Variants in PCDH11Y observed in about 807,000 individuals in gnomAD.
PCDH11Y encodes the protein protocadherin-11 Y-linked.
For synonymous variants in PCDH11Y, 9 were observed against 83.6 expected (o/e 0.11, Z 4.87); for missense variants, 12 against 224.8 (o/e 0.05, Z 6.05).
intron 2 of PCDH11Y, among the ~76,000 whole-genome samples, chrY:5,307,605 C>T: frequency 6.1e-5 from 2 of 32,988 alleles, no homozygotes; most frequent in African/African-American, 2.4e-4. Flanking sequence ...AAAACCACAG[C>T]AGTGCTTAGA....
intron 2 of PCDH11Y, among the ~76,000 whole-genome samples, chrY:5,424,940 G>T (rs2053261969): frequency 3.2e-5 from 1 of 31,701 alleles, no homozygotes; most frequent in African/African-American, 1.2e-4. Flanking sequence ...ACCTCCCAAA[G>T]TGCTGGGATT....
intron 4 of PCDH11Y, chrY:5,623,172 A>G: frequency 1.4e-5 from 1 of 74,042 alleles, no homozygotes; most frequent in South Asian, 7.0e-5. Flanking sequence ...GGTGTCTCTG[A>G]ATGTCTTCAT....
chrY:5,356,693 A>G (rs2053166298), intron 2 of PCDH11Y, among the ~76,000 whole-genome samples: 35 of 28,487 alleles, frequency 1.2e-3, no homozygotes, highest in Non-Finnish European at 2.4e-3. Flanking sequence ...CCTGGCCAAC[A>G]TGGTGAAACC....
intron 2 of PCDH11Y, among the ~76,000 whole-genome samples, chrY:5,257,886 T>C: frequency 6.9e-5 from 2 of 28,834 alleles, no homozygotes; most frequent in Non-Finnish European, 1.6e-4. Context: ...CTTCTATAAA[T>C]GTTTGGTAGA....
intron 2 of PCDH11Y, among the ~76,000 whole-genome samples, chrY:5,148,077 C>T (rs1602876428): frequency 2.0e-3 from 69 of 33,686 alleles, no homozygotes; most frequent in Middle Eastern, 0.014. Flanking sequence ...TAATTGGAAA[C>T]ATTGTCTTTG....
chrY:5,357,259 A>ATATATACG (rs2053168973), intron 2 of PCDH11Y, among the ~76,000 whole-genome samples: 1 of 24,732 alleles, frequency 4.0e-5, no homozygotes, highest in Admixed American at 4.3e-4. Flanking sequence ...ACGTATATAT[A>ATATATACG]TATATATATA....
At chrY:5,031,771 T>C in intron 1 of PCDH11Y, 1 of 33,456 alleles carries the variant, frequency 3.0e-5, no homozygotes, top group African/African-American at 1.2e-4. Context: ...TTTAACCTTT[T>C]CTTGATTTGT....
Position 5,508,156 on chromosome Y carries a change from A to G in PCDH11Y, c.3328+6901A>G, listed in dbSNP as rs1602935706. Among the ~76,000 whole-genome samples, 11 of 33,286 alleles carry G rather than the reference A, an allele frequency of 3.3e-4. No individual in the cohort carries two copies. In the South Asian group the frequency reaches 7.4e-3, roughly 22 times the overall value. The allele number at this position is 33,286 out of a possible 37,273, so 89.3% of individuals were successfully genotyped here. A position where few individuals can be genotyped will look rare whatever the true frequency, so the allele number is the denominator to read the frequency against. On this transcript the variant is annotated intron_variant, in intron 3 of 4. Coordinates refer to the PCDH11Y transcript ENST00000400457. ...TTATAGCAACATATTTTTAATCCCC[A>G]TGACACTTTTAAAATTGGACAATAA... is the stretch of plus-strand genomic sequence containing the variant.
At chrY:5,628,010 C>T in intron 4 of PCDH11Y, among the ~76,000 whole-genome samples, 2 of 32,955 alleles carry the variant, frequency 6.1e-5, no homozygotes, top group East Asian at 1.6e-3. Context: ...TTTCCTGCCT[C>T]AATGGATTAT....
At chrY:5,513,798 A>T in intron 3 of PCDH11Y, among the ~76,000 whole-genome samples, 3 of 33,234 alleles carry the variant, frequency 9.0e-5, no homozygotes, top group South Asian at 6.6e-4. Context: ...TTGTGTATGC[A>T]ATTGAGTCAT....
At chrY:5,728,452 G>C in intron 4 of PCDH11Y, among the ~76,000 whole-genome samples, 1 of 32,814 alleles carries the variant, frequency 3.0e-5, no homozygotes, top group Non-Finnish European at 7.6e-5. Flanking sequence ...GGTATTTTTA[G>C]TTTGTTCTTT....
intron 2 of PCDH11Y, among the ~76,000 whole-genome samples, chrY:5,329,348 G>A: frequency 3.1e-5 from 1 of 32,062 alleles, no homozygotes; most frequent in Non-Finnish European, 7.6e-5. Flanking sequence ...AGGGATTGGG[G>A]TGCAGAGATA....
At chrY:5,118,493 C>A (rs2052814198) in intron 2 of PCDH11Y, among the ~76,000 whole-genome samples, 1 of 32,485 alleles carries the variant, frequency 3.1e-5, no homozygotes, top group East Asian at 8.2e-4. Flanking sequence ...ACATGGGCCT[C>A]CCAGAGAGCT....
At chrY:5,200,026 G>C (rs1296648887) in intron 2 of PCDH11Y, among the ~76,000 whole-genome samples, 1 of 32,615 alleles carries the variant, frequency 3.1e-5, no homozygotes, top group East Asian at 8.3e-4. Context: ...ATATAAACTT[G>C]GTAGTTGACA....
intron 2 of PCDH11Y, among the ~76,000 whole-genome samples, chrY:5,191,029 A>G: frequency 9.3e-5 from 3 of 32,297 alleles, no homozygotes; most frequent in Non-Finnish European, 2.3e-4. Flanking sequence ...TCAGAATACT[A>G]TTTCCTAGAA....
At chrY:5,002,667 C>T (rs2052532781) in intron 1 of PCDH11Y, 1 of 33,396 alleles carries the variant, frequency 3.0e-5, no homozygotes, top group African/African-American at 1.2e-4. Context: ...ACACGTTTCC[C>T]CCTTTCTTGC....
At chrY:5,426,716 G>T (rs573410638) in intron 2 of PCDH11Y, among the ~76,000 whole-genome samples, 1 of 32,396 alleles carries the variant, frequency 3.1e-5, no homozygotes, top group African/African-American at 1.2e-4. Flanking sequence ...ATTGGTTCCC[G>T]TGGGAAAAAG....
chrY:5,149,573 AAC>A (rs368668672), intron 2 of PCDH11Y, among the ~76,000 whole-genome samples: 1,373 of 17,682 alleles, frequency 0.078, no homozygotes, highest in East Asian at 0.23. Context: ...CACACACACA[AAC>A]ACACACACAC....
chrY:5,407,652 G>GC (rs2053240159), intron 2 of PCDH11Y, among the ~76,000 whole-genome samples: 1 of 32,788 alleles, frequency 3.0e-5, no homozygotes, highest in Non-Finnish European at 7.5e-5. Context: ...GGTGGCTGAG[G>GC]CCTGTAATCC....
Sources: allele counts gnomAD v4.1 joint callset (sites outside exome capture counted in the v4.1 genomes callset), GRCh38; gene constraint gnomAD v4.1.1; transcripts MANE v1.5; gene names NCBI Gene and HGNC (gene_info 2026-07-23, HGNC 2026-07-21).